SCAMP1: variants seen among roughly 807,000 people sequenced by gnomAD.
SCAMP1 encodes the protein secretory carrier-associated membrane protein 1.
Under a neutral mutation model 41.8 loss-of-function variants are expected in SCAMP1, and 15 were observed. That is an observed-to-expected ratio of 0.36 (90% CI 0.24 to 0.55). The LOEUF (loss-of-function observed/expected upper bound fraction) is 0.55, where lower values mean the gene tolerates loss of function less well. Ranked by LOEUF, SCAMP1 falls within the 20% of genes least tolerant of loss-of-function variation. SCAMP1 has a pLI of 0.86. For synonymous variants in SCAMP1, 135 were observed against 136.8 expected (o/e 0.99, Z 0.09); for missense variants, 341 against 412.6 (o/e 0.83, Z 1.50).
At chr5:78,441,988 T>A (rs1215400944) in intron 6 of SCAMP1, among the ~76,000 whole-genome samples, 1 of 151,920 alleles carries the variant, frequency 6.6e-6, no homozygotes, top group Non-Finnish European at 1.5e-5. Flanking sequence ...TATTAGTCGG[T>A]TGTCATGGCA....
At chr5:78,394,708 G>C (rs2112097963) in intron 2 of SCAMP1, among the ~76,000 whole-genome samples, 1 of 151,950 alleles carries the variant, frequency 6.6e-6, no homozygotes, top group South Asian at 2.1e-4. Context: ...TTTGCCTTCT[G>C]CTTCTCACTG....
intron 1 of SCAMP1, among the ~76,000 whole-genome samples, chr5:78,365,386 A>G (rs1235425866): frequency 1.4e-5 from 2 of 145,212 alleles, no homozygotes; most frequent in Non-Finnish European, 3.0e-5. Context: ...AGGCAGGAGA[A>G]TTGCTTGAAC....
intron 2 of SCAMP1, among the ~76,000 whole-genome samples, chr5:78,414,185 T>C (rs1008234737): frequency 6.6e-6 from 1 of 152,034 alleles, no homozygotes. Context: ...TTCCCAGATA[T>C]TTTATGGGGG....
chr5:78,372,365 T>C (rs1343039098), intron 1 of SCAMP1, among the ~76,000 whole-genome samples: 5 of 152,120 alleles, frequency 3.3e-5, no homozygotes, highest in African/African-American at 1.2e-4. Flanking sequence ...AAATTCTAAA[T>C]GGTGGTTAAG....
At chr5:78,456,724 G>A (rs1340901004) in intron 7 of SCAMP1, among the ~76,000 whole-genome samples, 12 of 149,962 alleles carry the variant, frequency 8.0e-5, no homozygotes, top group Admixed American at 2.0e-4. Flanking sequence ...GAATCTGAGC[G>A]TTGGCCTGCC....
intron 1 of SCAMP1, 52 bp from the exon 2 acceptor site, chr5:78,388,785 T>G: frequency 1.0e-6 from 1 of 974,030 alleles, no homozygotes; most frequent in Non-Finnish European, 1.6e-6. Flanking sequence ...ATATCAAAAT[T>G]ATTTTTTAAA....
intron 2 of SCAMP1, among the ~76,000 whole-genome samples, chr5:78,404,056 C>T (rs1176935330): frequency 1.5e-5 from 2 of 136,982 alleles, no homozygotes; most frequent in East Asian, 4.5e-4. Context: ...TTTGAGGCTA[C>T]AATTTGCTGT....
chr5:78,399,297 G>A lies in SCAMP1; in HGVS notation c.135+10383G>A, dbSNP rs1751741331. ...ATAAATAACTGTATGTGGGTTTTTT[G>A]TATGGATGTAAGTTTTCAGTTCCTT... On this transcript the variant is annotated intron_variant, in intron 2 of 8. Coordinates refer to ENST00000621999, the MANE Select transcript of SCAMP1 (RefSeq NM_004866.6). Among the ~76,000 whole-genome samples, 4 of 152,306 alleles carry A rather than the reference G, an allele frequency of 2.6e-5. No individual in the cohort carries two copies. The South Asian group carries it at 8.3e-4, about 32-fold the overall frequency.
intron 7 of SCAMP1, among the ~76,000 whole-genome samples, chr5:78,451,794 A>C (rs1722615032): frequency 1.3e-5 from 2 of 152,186 alleles, no homozygotes; most frequent in South Asian, 4.1e-4. Flanking sequence ...AGCTGGGATT[A>C]CAGGCGCCTG....
chr5:78,384,976 AG>A (rs1030954285), intron 1 of SCAMP1, among the ~76,000 whole-genome samples: 5 of 152,010 alleles, frequency 3.3e-5, no homozygotes, highest in East Asian at 3.9e-4. Flanking sequence ...AGAATGATTT[AG>A]GGGGGGATTC....
intron 2 of SCAMP1, among the ~76,000 whole-genome samples, chr5:78,393,388 T>C (rs1277060446): frequency 6.6e-6 from 1 of 152,112 alleles, no homozygotes; most frequent in Non-Finnish European, 1.5e-5. Context: ...CCTAGGCTGG[T>C]CTCAAACTCC....
intron 2 of SCAMP1, among the ~76,000 whole-genome samples, chr5:78,396,237 G>T (rs1160215853): frequency 2.0e-5 from 3 of 152,120 alleles, no homozygotes; most frequent in Non-Finnish European, 4.4e-5. Flanking sequence ...GAACCCTAAT[G>T]TAAACTGTGG....
intron 1 of SCAMP1, among the ~76,000 whole-genome samples, chr5:78,379,541 A>G (rs952088436): frequency 6.6e-6 from 1 of 152,204 alleles, no homozygotes; most frequent in African/African-American, 2.4e-5. Flanking sequence ...TTCACTTGAG[A>G]AAATGATTTT....
intron 8 of SCAMP1, among the ~76,000 whole-genome samples, chr5:78,468,851 C>T (rs115094605): frequency 0.01 from 1,570 of 152,064 alleles, 18 homozygotes; most frequent in African/African-American, 0.031. Context: ...GTGAAGATAT[C>T]CTATTATATA....
intron 2 of SCAMP1, among the ~76,000 whole-genome samples, chr5:78,390,587 T>C (rs1444858475): frequency 6.6e-6 from 1 of 152,144 alleles, no homozygotes; most frequent in Non-Finnish European, 1.5e-5. Context: ...ACTTGATTTC[T>C]AGGAGGTGGA....
chr5:78,469,324 A>T (rs1753817554), intron 8 of SCAMP1, among the ~76,000 whole-genome samples: 1 of 152,164 alleles, frequency 6.6e-6, no homozygotes, highest in African/African-American at 2.4e-5. Flanking sequence ...TGGATGGTTC[A>T]CATTGTCTAT....
chr5:78,463,521 G>A (rs1342515150), intron 8 of SCAMP1, among the ~76,000 whole-genome samples: 1 of 152,190 alleles, frequency 6.6e-6, no homozygotes, highest in Non-Finnish European at 1.5e-5. Context: ...TCCAGTTGTT[G>A]ATTGATGTCA....
intron 8 of SCAMP1, 54 bp downstream of exon 8, chr5:78,459,416 A>G (rs1753525495): frequency 2.3e-6 from 2 of 869,672 alleles, no homozygotes; most frequent in Admixed American, 4.7e-5. Context: ...TAAAGTTCTC[A>G]TTTTCCTATT....
At chr5:78,398,444 G>T (rs1751711453) in intron 2 of SCAMP1, among the ~76,000 whole-genome samples, 1 of 131,476 alleles carries the variant, frequency 7.6e-6, no homozygotes, top group African/African-American at 2.9e-5. Context: ...AGCTTACTGT[G>T]ACCTCAAACT....
Sources: gnomAD v4.1 joint callset for allele counts (sites outside exome capture counted in the v4.1 genomes callset) on GRCh38, gnomAD v4.1.1 for gene constraint, MANE v1.5 for transcripts, NCBI Gene and HGNC (gene_info 2026-07-23, HGNC 2026-07-21) for gene names.